EPRS1: variants seen among roughly 807,000 people sequenced by gnomAD.
EPRS1 encodes the protein bifunctional glutamate/proline--tRNA ligase.
Under a neutral mutation model 188.3 loss-of-function variants are expected in EPRS1, and 107 were observed. The observed-to-expected ratio is 0.57, with a 90% CI of 0.49 to 0.67. The LOEUF (loss-of-function observed/expected upper bound fraction) is 0.67. Among genes scored for constraint, EPRS1 ranks in the 30% least tolerant of loss-of-function variants. The pLI is 0.00. For missense variants in EPRS1, 1,577 were observed against 1,802.2 expected (o/e 0.88, Z 2.26); for synonymous variants, 596 against 593.1 (o/e 1.00, Z -0.07).
intron 1 of EPRS1, among the ~76,000 whole-genome samples, chr1:220,045,338 A>G (rs1326457813): frequency 6.6e-6 from 1 of 152,148 alleles, no homozygotes; most frequent in Non-Finnish European, 1.5e-5. Flanking sequence ...CTTTCCAAAA[A>G]AGACACAAAC....
chr1:219,982,494 A>G (rs1227954097), intron 23 of EPRS1: 1 of 259,582 alleles, frequency 3.9e-6, no homozygotes. Flanking sequence ...AAATTATTCT[A>G]AGAATAAAAC....
At chr1:220,040,396 A>G in intron 1 of EPRS1, 127 bp from the exon 2 acceptor site, 1 of 595,490 alleles carries the variant, frequency 1.7e-6, no homozygotes. Context: ...CTTTTTTCTC[A>G]GTAGTCTGTA....
In EPRS1 at chr1:219,978,617, T is replaced by C. The variant is rs144975474; in HGVS notation, c.4012A>G (p.Asn1338Asp). The C allele has an allele frequency of 6.2e-7, 1 of 1,611,974 alleles. No individual in the cohort carries two copies. Among genetic ancestry groups the C allele is most frequent in the Middle Eastern group, 1.7e-4 (1 of 6,058 alleles). Reference protein sequence around the residue: ...NDYRRRLLSVNIRVRADLRDN... With the variant: ...NDYRRRLLSVDIRVRADLRDN... The stretch of plus-strand genomic sequence containing the variant: ...CGTAAATCAGCTCTAACGCGGATGT[T>C]AACACTGAGTAATCGCCTTCGATAA... The change falls in exon 28 of 32, where the codon AAC (asparagine) becomes GAC (aspartate). Residue 1338 changes from asparagine (N) to aspartate (D), a missense_variant. Physicochemically the swap from Asn to Asp is conservative, Grantham distance 23 (BLOSUM62 1). Transcript: ENST00000366923.
At position 219,981,401 on chromosome 1, in the gene EPRS1, G is replaced by C. The variant is rs1322658399; in HGVS notation, c.3430C>G (p.Leu1144Val). 1.7e-5 allele frequency: 27 copies of C among 1,608,402 alleles called. No homozygotes were observed. The East Asian group carries it at 6.0e-4, about 36-fold the overall frequency. The change falls in exon 24 of 32, where the codon CTC becomes GTC. Residue 1144 changes from leucine (L) to valine (V), a missense_variant. Physicochemically the swap from Leu to Val is conservative, Grantham distance 32. Coordinates refer to ENST00000366923, the MANE Select transcript of EPRS1 (RefSeq NM_004446.3). ...VQSHRDLPIKLNQWCNVVRWE... is the reference protein window; with the variant it reads ...VQSHRDLPIKVNQWCNVVRWE... ...ACCACCACATTGCACCACTGATTGA[G>C]CTTGATGGGCAGGTCTCTGTGTGAC...
intron 28 of EPRS1, among the ~76,000 whole-genome samples, chr1:219,978,093 C>G (rs1660812229): frequency 6.6e-6 from 1 of 152,054 alleles, no homozygotes; most frequent in Admixed American, 6.6e-5. Context: ...AAATAAAAAT[C>G]AACAAACTGG....
chr1:220,030,805 T>C (rs970628152), intron 5 of EPRS1, among the ~76,000 whole-genome samples: 1 of 152,088 alleles, frequency 6.6e-6, no homozygotes, highest in Non-Finnish European at 1.5e-5. Context: ...ATGGAGTATA[T>C]GGGATGCTAG....
Position 219,997,010 on chromosome 1 carries a change from A to T in EPRS1, c.2514T>A (p.Arg838=). The stretch of plus-strand genomic sequence containing the variant: ...TAGGGGATTTTTCAGCTTTTAGCTT[A>T]CGAACCACCTCCCCTTGTGCAGCAA... ...DEVAAQGEVV[R]KLKAEKSPKA... is the part of the protein sequence containing the mutation. Residue 838 remains arginine (R), a synonymous_variant, in exon 18 of 32, where the codon CGT becomes CGA. Transcript: ENST00000366923. 4 of 1,606,222 alleles carry T rather than the reference A, an allele frequency of 2.5e-6. No individual in the cohort carries two copies. Among genetic ancestry groups the T allele is most frequent in the Non-Finnish European group, 8.5e-7 (1 of 1,177,426 alleles).
chr1:219,995,909 T>C (rs1661222305), intron 18 of EPRS1, among the ~76,000 whole-genome samples: 1 of 152,160 alleles, frequency 6.6e-6, no homozygotes. Flanking sequence ...TCTGACATTT[T>C]AGAACAAATC....
intron 29 of EPRS1, among the ~76,000 whole-genome samples, chr1:219,972,969 A>G (rs570357986): frequency 1.3e-5 from 2 of 152,340 alleles, no homozygotes; most frequent in Admixed American, 1.3e-4. Context: ...TCACATTTAT[A>G]TCTCATAAAA....
At chr1:219,998,465 C>T (rs942109985) in intron 17 of EPRS1, among the ~76,000 whole-genome samples, 5 of 151,944 alleles carry the variant, frequency 3.3e-5, no homozygotes, top group African/African-American at 1.2e-4. Context: ...CACTAATATG[C>T]ATATATAAAT....
intron 1 of EPRS1, among the ~76,000 whole-genome samples, chr1:220,042,794 G>A (rs932139987): frequency 2.0e-5 from 3 of 151,844 alleles, no homozygotes; most frequent in Non-Finnish European, 2.9e-5. Context: ...GGTGGCATGC[G>A]CCTATAGTCC....
chr1:219,995,252 G>A (rs980790704), intron 18 of EPRS1, among the ~76,000 whole-genome samples: 6 of 152,182 alleles, frequency 3.9e-5, no homozygotes, highest in African/African-American at 1.4e-4. Context: ...ATGAAAGCAT[G>A]ATGTAACCCA....
intron 18 of EPRS1, among the ~76,000 whole-genome samples, chr1:219,996,190 A>T (rs1445033469): frequency 6.6e-6 from 1 of 152,188 alleles, no homozygotes; most frequent in Non-Finnish European, 1.5e-5. Context: ...TAGGTGCCAC[A>T]CCTACTTGGC....
chr1:220,043,592 A>C lies in EPRS1; in HGVS notation c.46+2751T>G, dbSNP rs538621612. Among the ~76,000 whole-genome samples, 332 of 152,294 alleles carry C rather than the reference A, an allele frequency of 2.2e-3. 3 individuals are homozygous for C. The highest frequency in any genetic ancestry group is 7.8e-3 in the African/African-American group (324 of 41,570). On this transcript the variant is annotated intron_variant, in intron 1 of 31. Coordinates refer to ENST00000366923, the MANE Select transcript of EPRS1 (RefSeq NM_004446.3). ...ATGATTCCAATGCATCTGCCCATTAAAATTAAGGTTAGAATAATCAGTAAT... is the reference window on the plus strand; with the variant it reads ...ATGATTCCAATGCATCTGCCCATTACAATTAAGGTTAGAATAATCAGTAAT...
At chr1:219,972,936 A>C (rs993127672) in intron 29 of EPRS1, among the ~76,000 whole-genome samples, 1 of 152,230 alleles carries the variant, frequency 6.6e-6, no homozygotes, top group Non-Finnish European at 1.5e-5. Context: ...TACCCAGCAG[A>C]TGACAGTCAA....
In EPRS1 at chr1:220,005,289, T is replaced by C; in HGVS notation, c.2022A>G (p.Arg674=). 6.3e-7 allele frequency: 1 copy of C among 1,595,460 alleles called. No individual in the cohort carries two copies. Among genetic ancestry groups the C allele is most frequent in the Non-Finnish European group, 8.6e-7 (1 of 1,169,456 alleles). The part of the protein sequence containing the change: ...LKKGDIIQLQ[R]RGFFICDQPY... ...GTTGATCACATATGAAGAATCCTCTTCTCTGGAGTTGTATAATATCTCCTT... is the reference window on the plus strand; with the variant it reads ...GTTGATCACATATGAAGAATCCTCTCCTCTGGAGTTGTATAATATCTCCTT... Residue 674 remains arginine (R), a synonymous_variant, in exon 16 of 32, where the codon AGA becomes AGG. Coordinates refer to ENST00000366923, the MANE Select transcript of EPRS1 (RefSeq NM_004446.3).
Position 219,978,716 on chromosome 1 carries a change from C to A in EPRS1, c.3913G>T (p.Val1305Leu), listed in dbSNP as rs1660827057. The change falls in exon 28 of 32, where the codon GTG becomes TTG. Residue 1305 changes from valine (V) to leucine (L), a missense_variant. Val to Leu is a conservative substitution (Grantham distance 32). Transcript: ENST00000366923. ...LPPRVACVQV[V>L]IIPCGITNAL... ...TTGGTAATGCCACAAGGAATAATCA[C>A]CACCTAGAATCAGCACAATGTCCCA... is the stretch of plus-strand genomic sequence containing the variant. The A allele has an allele frequency of 9.3e-6, 15 of 1,607,998 alleles. No individual in the cohort carries two copies. In the East Asian group the frequency reaches 3.4e-4, roughly 36 times the overall value.
chr1:219,983,094 C>G (rs1660930956), intron 22 of EPRS1, 95 bp downstream of exon 22: 1 of 1,019,524 alleles, frequency 9.8e-7, no homozygotes, highest in Non-Finnish European at 1.5e-6. Context: ...ATAAAAATGG[C>G]TTTATATTTT....
rs758116913 is a variant in EPRS1, at chr1:220,022,335, A to G, written c.1115+12T>C. On this transcript the variant is annotated intron_variant, in intron 9 of 31. Coordinates refer to ENST00000366923, the MANE Select transcript of EPRS1 (RefSeq NM_004446.3). ...AGATGGCTACCTAGCATATTGAAGG[A>G]GATATACTTACTTGTATTTATTTCC... The G allele has an allele frequency of 1.2e-6, 2 of 1,608,980 alleles. No individual in the cohort carries two copies. The highest frequency in any genetic ancestry group is 2.2e-5 in the South Asian group (2 of 90,486).
Sources: allele counts gnomAD v4.1 joint callset (sites outside exome capture counted in the v4.1 genomes callset), GRCh38; gene constraint gnomAD v4.1.1; transcripts MANE v1.5; gene names NCBI Gene and HGNC (gene_info 2026-07-23, HGNC 2026-07-21).